The following ATG9B variants were observed in gnomAD, a reference collection of about 807,000 sequenced individuals.
ATG9B encodes the protein autophagy related 9B, also known as autophagy-related protein 9B.
In ATG9B, 92 loss-of-function variants were observed where a neutral mutation model predicts 92.9. That is an observed-to-expected ratio of 0.99 (90% confidence interval 0.84 to 1.18). The LOEUF (loss-of-function observed/expected upper bound fraction) is 1.18. Among genes scored for constraint, ATG9B ranks in the 50% most tolerant of loss-of-function variants. The pLI, the probability that ATG9B is intolerant of heterozygous loss-of-function variation, is 0.00. For missense variants in ATG9B, 1,344 were observed against 1,235.0 expected (o/e 1.09, Z -1.32); for synonymous variants, 599 against 551.4 (o/e 1.09, Z -1.21).
chr7:151,018,474 G>A lies in ATG9B; in HGVS notation c.1719-27C>T. ...TGAAAGGCGGGATCCGTGGGGGGAA[G>A]GGGCCTGCGATTAGGAGGACGCGCG... On this transcript the variant is annotated intron_variant, in intron 6 of 13. Coordinates refer to ENST00000639579, the MANE Select transcript of ATG9B (RefSeq NM_001317056.2). The surrounding 1 kb of genome is among the most constrained non-coding windows in gnomAD (Gnocchi z 4.7). 1 of 1,520,370 alleles carries A rather than the reference G, an allele frequency of 6.6e-7. No homozygotes were observed. 94.2% of individuals were successfully genotyped at this position (1,520,370 alleles called of 1,614,324 possible).
chr7:151,020,863 A>G (rs1174355563), intron 5 of ATG9B: 4 of 250,866 alleles, frequency 1.6e-5, no homozygotes, highest in South Asian at 1.0e-4. Context: ...CCGAAGCCCA[A>G]CCCAAATTCC....
rs753614819 is a variant in ATG9B, at chr7:151,016,791, G to A, written c.2320C>T (p.His774Tyr). The change falls in exon 10 of 14, where the codon CAC (histidine) becomes TAC (tyrosine). Residue 774 changes from histidine to tyrosine, a missense_variant. His to Tyr is a moderately conservative substitution (Grantham distance 83). Coordinates refer to ENST00000639579, the MANE Select transcript of ATG9B (RefSeq NM_001317056.2). ...AGATCTCTCGGAGGCAGGAGAGGGT[G>A]CACGAAGAGGTTGGCCAGGAAGGCC... The part of the protein sequence containing the change: ...PEAFLANLFV[H>Y]PLLPPRDLSP... 2 of 1,611,474 alleles carry A rather than the reference G, an allele frequency of 1.2e-6. No homozygotes were observed. The highest frequency in any genetic ancestry group is 1.7e-6 in the Non-Finnish European group (2 of 1,179,118).
At position 151,023,723 on chromosome 7, in the gene ATG9B, C is replaced by T; in HGVS notation, c.558G>A (p.Trp186Ter). Reference sequence around the variant, plus strand: ...AACTGTCCAGGTTCTGGATGTGATGCCAGGAGCCTGGGCACAGAGGGGAGA... The same window carrying T: ...AACTGTCCAGGTTCTGGATGTGATGTCAGGAGCCTGGGCACAGAGGGGAGA... Reference protein sequence around the residue: ...LHVPEGLRGSWHHIQNLDSFF... With the variant: ...LHVPEGLRGS Residue 186 changes from tryptophan (W) to a stop codon, truncating the protein, a stop_gained, in exon 2 of 14, where the codon TGG becomes TGA. Coordinates refer to ENST00000639579, the MANE Select transcript of ATG9B (RefSeq NM_001317056.2). LOFTEE classifies it high-confidence loss of function. The T allele has an allele frequency of 6.2e-7, 1 of 1,614,060 alleles. No individual in the cohort carries two copies. Among genetic ancestry groups the T allele is most frequent in the East Asian group, 2.2e-5 (1 of 44,886 alleles).
chr7:151,021,430 T>C, intron 4 of ATG9B, 101 bp from the exon 5 acceptor site: 2 of 1,441,128 alleles, frequency 1.4e-6, no homozygotes. Flanking sequence ...AGGAGGGGGA[T>C]CTAGCTAGAC....
intron 13 of ATG9B, 53 bp from the exon 14 acceptor site, chr7:151,015,766 A>G (rs1795452092): frequency 2.9e-6 from 4 of 1,362,644 alleles, no homozygotes; most frequent in Non-Finnish European, 2.9e-6. Flanking sequence ...GATTCCAGAG[A>G]TGACCACCTC....
intron 5 of ATG9B, chr7:151,020,010 AAAAC>A (rs1190666023): frequency 1.3e-5 from 2 of 152,242 alleles, no homozygotes; most frequent in African/African-American, 2.4e-5. Flanking sequence ...AACAAACAAA[AAAAC>A]AAAAAACCAG....
chr7:151,016,641 G>GGCC, intron 10 of ATG9B, 47 bp downstream of exon 10: 1 of 1,546,048 alleles, frequency 6.5e-7, no homozygotes, highest in Non-Finnish European at 8.7e-7. Flanking sequence ...TACAGGATCA[G>GGCC]CCCACCCCCC....
At position 151,015,771 on chromosome 7, in the gene ATG9B, C is replaced by T. The variant is rs879464584; in HGVS notation, c.*15-58G>A. 5.1e-6 allele frequency: 7 copies of T among 1,379,896 alleles called. No individual in the cohort carries two copies. In the South Asian group the frequency reaches 1.1e-4, roughly 21 times the overall value. The allele number at this position is 1,379,896 out of a possible 1,614,324, so 85.5% of individuals were successfully genotyped here. ...CAGGGGTCTAGATTCCAGAGATGAC[C>T]ACCTCCCATCACCCCAAATTCCCAC... On this transcript the variant is annotated intron_variant, in intron 13 of 13. Transcript: ENST00000639579.
rs1176449548 is a variant in ATG9B at position 151,023,930 on chromosome 7, G to A, written c.494C>T (p.Ser165Leu). Residue 165 changes from serine to leucine, a missense_variant, in exon 1 of 14, where the codon TCA becomes TTA. By Grantham distance (145) the Ser-to-Leu change is moderately radical (BLOSUM62 -2). Coordinates refer to ENST00000639579, the MANE Select transcript of ATG9B (RefSeq NM_001317056.2). ...EDCDPEGSQD[S>L]PIHGEEQQPL... The stretch of plus-strand genomic sequence containing the variant: ...TTGCTGCTCCTCCCCGTGGATGGGT[G>A]AGTCTTGGGACCCCTCAGGGTCACA... 1 of 1,594,608 alleles carries A rather than the reference G, an allele frequency of 6.3e-7. No individual in the cohort carries two copies. The highest frequency in any genetic ancestry group is 8.5e-7 in the Non-Finnish European group (1 of 1,170,760).
At position 151,023,775 on chromosome 7, in the gene ATG9B, T is replaced by C. The variant is rs750401728; in HGVS notation, c.551-45A>G. 4 of 1,613,308 alleles carry C rather than the reference T, an allele frequency of 2.5e-6. No individual in the cohort carries two copies. In the East Asian group the frequency reaches 8.9e-5, roughly 36 times the overall value. ...TGTCAGCCCCTGGCATGTGATCAAT[T>C]CTCCACGTTCTCAACCCGCTGCCAG... is the stretch of plus-strand genomic sequence containing the variant. On this transcript the variant is annotated intron_variant, in intron 1 of 13. Coordinates refer to ENST00000639579, the MANE Select transcript of ATG9B (RefSeq NM_001317056.2).
chr7:151,021,026 C>A (rs1021114208), intron 5 of ATG9B, 162 bp downstream of exon 5: 6 of 795,972 alleles, frequency 7.5e-6, no homozygotes, highest in Non-Finnish European at 1.2e-5. Flanking sequence ...GGTGGTAGCC[C>A]CCTCCTGACA....
chr7:151,012,225 GT>G (rs1213890215), downstream of ATG9B: 365 of 517,410 alleles, frequency 7.1e-4, 1 homozygote, highest in South Asian at 1.3e-3. Context: ...TTTGTTTTTT[GT>G]TTTTTTTTTA....
At chr7:151,013,978 G>A (rs769636313), downstream of ATG9B, 32 of 1,608,598 alleles carry the variant, frequency 2.0e-5, no homozygotes, top group Non-Finnish European at 2.7e-5. Context: ...TCCGAGTCGG[G>A]TTCTGATCCA....
At position 151,024,388 on chromosome 7, in the gene ATG9B, C is replaced by A; in HGVS notation, c.36G>T (p.Arg12Ser). Reference sequence around the variant, plus strand: ...CCAGATCTCCCCACCGCCCCAGCCGCCTTCTTCTCCCCCCCCAGCCCATTC... The same window carrying A: ...CCAGATCTCCCCACCGCCCCAGCCGACTTCTTCTCCCCCCCCAGCCCATTC... ...VSRMGWGGRRRRLGRWGDLGP... is the reference protein window; with the variant it reads ...VSRMGWGGRRSRLGRWGDLGP... Residue 12 changes from arginine (R) to serine (S), a missense_variant, in exon 1 of 14, where the codon AGG becomes AGT. Coordinates refer to ENST00000639579, the MANE Select transcript of ATG9B (RefSeq NM_001317056.2). The A allele has an allele frequency of 7.3e-7, 1 of 1,377,792 alleles. No individual in the cohort carries two copies. Among genetic ancestry groups the A allele is most frequent in the Non-Finnish European group, 9.4e-7 (1 of 1,060,696 alleles). 85.3% of individuals were successfully genotyped at this position (1,377,792 alleles called of 1,614,324 possible).
chr7:151,018,595 C>G lies in ATG9B; in HGVS notation c.1718+25G>C. On this transcript the variant is annotated intron_variant, in intron 6 of 13. Coordinates refer to ENST00000639579, the MANE Select transcript of ATG9B (RefSeq NM_001317056.2). The surrounding 1 kb of genome is among the most constrained non-coding windows in gnomAD (Gnocchi z 4.7). ...AGATCAGAGAAACCAACACACACCACCACCCCGGGCATCTGCCGTCGCACC... is the reference window on the plus strand; with the variant it reads ...AGATCAGAGAAACCAACACACACCAGCACCCCGGGCATCTGCCGTCGCACC... 6.3e-7 allele frequency: 1 copy of G among 1,588,358 alleles called. No individual in the cohort carries two copies. The highest frequency in any genetic ancestry group is 1.1e-5 in the South Asian group (1 of 89,656).
At chr7:151,013,567 G>A (rs1387617455), downstream of ATG9B, 16 of 182,806 alleles carry the variant, frequency 8.8e-5, no homozygotes, top group Admixed American at 1.5e-4. Flanking sequence ...CCCCTGCCCC[G>A]CCCCTTTGGC....
Position 151,016,498 on chromosome 7 carries a change from TG to T in ATG9B, c.2452del (p.Gln818ArgfsTer14), listed in dbSNP as rs1377757636. On this transcript the variant is annotated frameshift_variant, in exon 11 of 14. Coordinates refer to ENST00000639579, the MANE Select transcript of ATG9B (RefSeq NM_001317056.2). LOFTEE classifies it high-confidence loss of function. ...AAGTTCTGGGAGCTGGGCCAGCTTC[TG>T]GCCCCCAGTGCCTCCTGGGGACACA... ...SSVSPGGTGG[Q>X]KLAQLPELAS... 6.6e-5 allele frequency: 102 copies of T among 1,551,090 alleles called. 1 individual carries two copies. The highest frequency in any genetic ancestry group is 7.8e-5 in the Non-Finnish European group (89 of 1,146,972).
chr7:151,018,154 C>T lies in ATG9B; in HGVS notation c.1873-104G>A, dbSNP rs549457653. On this transcript the variant is annotated intron_variant, in intron 7 of 13. Coordinates refer to ENST00000639579, the MANE Select transcript of ATG9B (RefSeq NM_001317056.2). The surrounding 1 kb of genome is among the most constrained non-coding windows in gnomAD (Gnocchi z 4.7). ...ACCCTCGCCAGGGCAAGAAGCCTCC[C>T]CACCCAGTCACTCCCTAGACTCCTG... is the stretch of plus-strand genomic sequence containing the variant. 1.5e-4 allele frequency: 218 copies of T among 1,466,568 alleles called. No homozygotes were observed. In the African/African-American group the frequency reaches 2.5e-3, roughly 17 times the overall value. 90.8% of individuals were successfully genotyped at this position (1,466,568 alleles called of 1,614,324 possible).
Position 151,024,413 on chromosome 7 carries a change from C to G in ATG9B, c.11G>C (p.Arg4Pro), listed in dbSNP as rs375373377. ...CCTTCTTCTCCCCCCCCAGCCCATT[C>G]GGCTCACCATCAGGCCACGGCTTCT... MVS[R>P]MGWGGRRRRL... The change falls in exon 1 of 14, where the codon CGA becomes CCA. Residue 4 changes from arginine to proline, a missense_variant. Arg to Pro is a moderately radical substitution (Grantham distance 103). Coordinates refer to ENST00000639579, the MANE Select transcript of ATG9B (RefSeq NM_001317056.2). 5 of 1,362,078 alleles carry G rather than the reference C, an allele frequency of 3.7e-6. No homozygotes were observed. The highest frequency in any genetic ancestry group is 2.7e-5 in the East Asian group (1 of 36,604). 84.4% of individuals were successfully genotyped at this position (1,362,078 alleles called of 1,614,324 possible).
Sources: gnomAD v4.1 joint callset for allele counts on GRCh38, gnomAD v4.1.1 for gene constraint, Gnocchi (gnomAD v3.1) non-coding constraint, MANE v1.5 for transcripts, NCBI Gene and HGNC (gene_info 2026-07-23, HGNC 2026-07-21) for gene names.